KCNK13: variants seen among roughly 807,000 people sequenced by gnomAD.
The protein encoded by KCNK13 is potassium two pore domain channel subfamily K member 13.
KCNK13 carries 12 observed loss-of-function variants against 23.4 expected under a neutral mutation model. That is an observed-to-expected ratio of 0.51 (90% CI 0.33 to 0.83). The LOEUF (loss-of-function observed/expected upper bound fraction) is 0.83, where lower values mean the gene tolerates loss of function less well. Ranked by LOEUF, KCNK13 falls within the 40% of genes least tolerant of loss-of-function variation. The probability of loss-of-function intolerance (pLI) is 0.02; values close to 1 mark genes in which losing one functional copy is unlikely to be tolerated. For missense variants in KCNK13, 463 were observed against 556.3 expected, an observed-to-expected ratio of 0.83 and a Z score of 1.69; for synonymous variants, 231 against 229.5, an observed-to-expected ratio of 1.01 and a Z score of -0.06.
intron 1 of KCNK13, among the ~76,000 whole-genome samples, chr14:90,063,614 G>A (rs1189484931): frequency 6.6e-6 from 1 of 152,186 alleles, no homozygotes. Context: ...AAACAGCCCA[G>A]GGTGCATGTG....
At chr14:90,080,452 T>C (rs142755986) in intron 1 of KCNK13, among the ~76,000 whole-genome samples, 1,901 of 151,966 alleles carry the variant, frequency 0.013, 26 homozygotes, top group Middle Eastern at 0.034. Flanking sequence ...TGAGACTCCA[T>C]CTCAAATAAA....
chr14:90,089,762 T>C (rs572003320), intron 1 of KCNK13, among the ~76,000 whole-genome samples: 2 of 152,272 alleles, frequency 1.3e-5, no homozygotes, highest in Admixed American at 1.3e-4. Context: ...GTCTAGGGAT[T>C]TGGTGTCCTG....
intron 1 of KCNK13, among the ~76,000 whole-genome samples, chr14:90,078,114 A>T (rs1889161606): frequency 2.0e-5 from 3 of 152,162 alleles, no homozygotes; most frequent in African/African-American, 2.4e-5. Flanking sequence ...CAGTAACAGC[A>T]GCTGTATAAA....
At chr14:90,117,954 T>C (rs552277594) in intron 1 of KCNK13, among the ~76,000 whole-genome samples, 24 of 152,360 alleles carry the variant, frequency 1.6e-4, no homozygotes, top group African/African-American at 5.8e-4. Context: ...TCTGGCTCTG[T>C]TTCTTACCCA....
chr14:90,088,550 C>T (rs1482381965), intron 1 of KCNK13, among the ~76,000 whole-genome samples: 1 of 152,194 alleles, frequency 6.6e-6, no homozygotes, highest in Non-Finnish European at 1.5e-5. Flanking sequence ...AACCTGAATT[C>T]ACTGTCAACT....
At chr14:90,103,378 T>A (rs894037280) in intron 1 of KCNK13, among the ~76,000 whole-genome samples, 1 of 152,206 alleles carries the variant, frequency 6.6e-6, no homozygotes, top group African/African-American at 2.4e-5. Flanking sequence ...GTGGCCAAAA[T>A]TACTTACATT....
At chr14:90,150,993 A>AG (rs1757087576) in intron 1 of KCNK13, among the ~76,000 whole-genome samples, 1 of 152,036 alleles carries the variant, frequency 6.6e-6, no homozygotes, top group South Asian at 2.1e-4. Context: ...AGAAAAAAAA[A>AG]GTGTGTGGCA....
intron 1 of KCNK13, among the ~76,000 whole-genome samples, chr14:90,065,286 G>A (rs762978278): frequency 2.0e-5 from 3 of 152,126 alleles, no homozygotes; most frequent in Non-Finnish European, 4.4e-5. Context: ...AAGTATACAG[G>A]AAAATAATCA....
At chr14:90,093,429 C>A (rs1033927036) in intron 1 of KCNK13, among the ~76,000 whole-genome samples, 9 of 152,072 alleles carry the variant, frequency 5.9e-5, no homozygotes, top group Non-Finnish European at 1.3e-4. Context: ...TTTATTCTTC[C>A]TTGATAGTTT....
chr14:90,158,925 G>A (rs1280343923), intron 1 of KCNK13, among the ~76,000 whole-genome samples: 1 of 152,238 alleles, frequency 6.6e-6, no homozygotes. Context: ...AGTTGGAAGA[G>A]GGCACACTTG....
intron 1 of KCNK13, among the ~76,000 whole-genome samples, chr14:90,162,083 G>A (rs967647679): frequency 6.6e-6 from 1 of 152,198 alleles, no homozygotes. Flanking sequence ...GGGAGGCCAA[G>A]GTGGGAGAAT....
chr14:90,112,227 C>T lies in KCNK13; in HGVS notation c.334+49688C>T, dbSNP rs191354676. On this transcript the variant is annotated intron_variant, in intron 1 of 1. Transcript: ENST00000282146. ...TTTACATTGTGTTCCGTGGGTAAGG[C>T]GGTGCTGCTGACATGCAGGGACTCC... Among the ~76,000 whole-genome samples the T allele has an allele frequency of 2.4e-3, 368 of 152,312 alleles. 2 individuals are homozygous for T. The highest frequency in any genetic ancestry group is 8.5e-3 in the African/African-American group (355 of 41,574).
chr14:90,085,271 G>T (rs1889258372), intron 1 of KCNK13, among the ~76,000 whole-genome samples: 1 of 152,026 alleles, frequency 6.6e-6, no homozygotes, highest in African/African-American at 2.4e-5. Context: ...AATCAATCTT[G>T]AGATAAGTCC....
chr14:90,079,810 G>A (rs1889185661), intron 1 of KCNK13, among the ~76,000 whole-genome samples: 1 of 152,232 alleles, frequency 6.6e-6, no homozygotes, highest in South Asian at 2.1e-4. Flanking sequence ...GAGCCCCTGA[G>A]AAGAGCTCTG....
chr14:90,094,711 G>T (rs184295024), intron 1 of KCNK13, among the ~76,000 whole-genome samples: 1,718 of 141,726 alleles, frequency 0.012, 30 homozygotes, highest in African/African-American at 0.045. Context: ...GCAGTGGCGC[G>T]ATCTCGGCTC....
chr14:90,107,749 C>G (rs996155491), intron 1 of KCNK13: 1 of 808,936 alleles, frequency 1.2e-6, no homozygotes. Context: ...CCTTCCCATT[C>G]TGCAGGAGGA....
chr14:90,136,334 C>T (rs1021043645), intron 1 of KCNK13, among the ~76,000 whole-genome samples: 3 of 152,106 alleles, frequency 2.0e-5, no homozygotes, highest in Non-Finnish European at 2.9e-5. Flanking sequence ...TAGATGGAAG[C>T]AGGTGGCTGC....
At position 90,089,694 on chromosome 14, in the gene KCNK13, G is replaced by A. The variant is rs899242818; in HGVS notation, c.334+27155G>A. Among the ~76,000 whole-genome samples, 3 of 152,192 alleles carry A rather than the reference G, an allele frequency of 2.0e-5. No homozygotes were observed. The East Asian group carries it at 5.8e-4, about 29-fold the overall frequency. On this transcript the variant is annotated intron_variant, in intron 1 of 1. Transcript: ENST00000282146. ...AGTAGCCCCTCCCATCACAGGCCCG[G>A]AGGCCTAGGAAAATAATGGCTTTGT...
intron 1 of KCNK13, among the ~76,000 whole-genome samples, chr14:90,075,798 A>T (rs1889127881): frequency 1.3e-5 from 2 of 151,882 alleles, no homozygotes; most frequent in Admixed American, 6.6e-5. Context: ...ATCTTTTTTG[A>T]TCTTCCCATC....
Sources: allele counts gnomAD v4.1 joint callset (sites outside exome capture counted in the v4.1 genomes callset), GRCh38; gene constraint gnomAD v4.1.1; transcripts MANE v1.5; gene names NCBI Gene and HGNC (gene_info 2026-07-23, HGNC 2026-07-21).